PPRC1: variants seen among roughly 807,000 people sequenced by gnomAD.
PPRC1 encodes the protein peroxisome proliferator-activated receptor gamma coactivator-related protein 1.
PPRC1 carries 23 observed loss-of-function variants against 132.5 expected under a neutral mutation model. The observed-to-expected ratio is 0.17, with a 90% confidence interval of 0.12 to 0.25. The LOEUF (loss-of-function observed/expected upper bound fraction) is 0.25. Ranked by LOEUF, PPRC1 falls within the 10% of genes least tolerant of loss-of-function variation. PPRC1 has a pLI of 1.00. For missense variants in PPRC1, 2,006 were observed against 2,089.1 expected (o/e 0.96, Z 0.78); for synonymous variants, 872 against 833.5 (o/e 1.05, Z -0.80).
chr10:102,133,172 G>T lies in PPRC1; in HGVS notation c.104G>T (p.Arg35Leu), dbSNP rs866848753. ...GCCCGCGGCAGTGGTTGGGGAAGTCGAAGCCAAGCGCCGTATGGGACTTTG... is the reference window on the plus strand; with the variant it reads ...GCCCGCGGCAGTGGTTGGGGAAGTCTAAGCCAAGCGCCGTATGGGACTTTG... The part of the protein sequence containing the change: ...GGARGSGWGS[R>L]SQAPYGTLGA... Residue 35 changes from arginine (R) to leucine (L), a missense_variant, in exon 1 of 14, where the codon CGA becomes CTA. Around this residue, in one of 2 missense-constraint regions of PPRC1, gnomAD observed 1,914 missense variants for 1,917.2 expected, o/e 1.00. Coordinates refer to ENST00000278070, the MANE Select transcript of PPRC1 (RefSeq NM_015062.5). 1.6e-6 allele frequency: 2 copies of T among 1,272,258 alleles called. No individual in the cohort carries two copies. Among genetic ancestry groups the T allele is most frequent in the Non-Finnish European group, 2.0e-6 (2 of 1,002,514 alleles). The allele number at this position is 1,272,258 out of a possible 1,614,324, so 78.8% of individuals were successfully genotyped here.
chr10:102,136,847 G>C (rs185457525), intron 1 of PPRC1, among the ~76,000 whole-genome samples: 4 of 152,154 alleles, frequency 2.6e-5, no homozygotes, highest in Admixed American at 6.5e-5. Context: ...CCACACTCTT[G>C]ACAGGTCTGG....
the PPRC1 span, chr10:102,120,224 G>C: frequency 1.0e-6 from 1 of 984,824 alleles, no homozygotes; most frequent in Non-Finnish European, 1.2e-6. Context: ...GCTCGCCGCC[G>C]GCCCGGCCCG....
rs770847252 is a variant in PPRC1, at chr10:102,137,929, T to G, written c.233T>G (p.Leu78Arg). ...RLGPSLRDKD[L>R]EMEELMLQDE... Reference sequence around the variant, plus strand: ...GGCCCATCTCTGAGGGACAAGGACCTGGAAATGGAGGAGCTAATGCTGCAG... The same window carrying G: ...GGCCCATCTCTGAGGGACAAGGACCGGGAAATGGAGGAGCTAATGCTGCAG... Residue 78 changes from leucine (L) to arginine (R), a missense_variant, in exon 2 of 14, where the codon CTG becomes CGG. Transcript: ENST00000278070. 1 of 1,614,026 alleles carries G rather than the reference T, an allele frequency of 6.2e-7. No individual in the cohort carries two copies. Among genetic ancestry groups the G allele is most frequent in the African/African-American group, 1.3e-5 (1 of 74,912 alleles).
intron 8 of PPRC1, among the ~76,000 whole-genome samples, 160 bp from the exon 9 acceptor site, chr10:102,146,511 TG>T (rs2069251230): frequency 6.6e-6 from 1 of 151,986 alleles, no homozygotes; most frequent in Admixed American, 6.6e-5. Flanking sequence ...TTGGGGAACA[TG>T]GGGAAGGGGC....
chr10:102,134,875 TC>T, intron 1 of PPRC1, among the ~76,000 whole-genome samples: 1 of 152,304 alleles, frequency 6.6e-6, no homozygotes, highest in South Asian at 2.1e-4. Flanking sequence ...GGATCCAAGA[TC>T]CAGCTATAAT....
Position 102,138,876 on chromosome 10 carries a change from T to C in PPRC1, c.490-3T>C. 2 of 1,613,966 alleles carry C rather than the reference T, an allele frequency of 1.2e-6. No individual in the cohort carries two copies. The highest frequency in any genetic ancestry group is 1.7e-6 in the Non-Finnish European group (2 of 1,179,868). Reference sequence around the variant, plus strand: ...TGATCTCAGGTCTTTCTTTCCCTCTTAGCTGCACAAGCTGCTTACTCTCTC... The same window carrying C: ...TGATCTCAGGTCTTTCTTTCCCTCTCAGCTGCACAAGCTGCTTACTCTCTC... On this transcript the variant is annotated splice_polypyrimidine_tract_variant and splice_region_variant and intron_variant, in intron 3 of 13. Coordinates refer to ENST00000278070, the MANE Select transcript of PPRC1 (RefSeq NM_015062.5).
chr10:102,135,379 T>G (rs2068685915), intron 1 of PPRC1, among the ~76,000 whole-genome samples: 1 of 152,154 alleles, frequency 6.6e-6, no homozygotes, highest in Non-Finnish European at 1.5e-5. Context: ...TATATTTTGT[T>G]GTTTTGTTGT....
Position 102,147,228 on chromosome 10 carries a change from C to T in PPRC1, c.4236C>T (p.Ala1412=), listed in dbSNP as rs762078980. The part of the protein sequence containing the change: ...MRCYRKACRS[A]SPSSQGWQGR... ...GTTACCGAAAAGCCTGCAGGTCAGCCAGCCCCTCAAGCCAGGGCTGGCAGG... is the reference window on the plus strand; with the variant it reads ...GTTACCGAAAAGCCTGCAGGTCAGCTAGCCCCTCAAGCCAGGGCTGGCAGG... The change falls in exon 9 of 14, where the codon GCC becomes GCT. Residue 1412 remains alanine (A), a synonymous_variant. Transcript: ENST00000278070. The T allele has an allele frequency of 8.1e-6, 13 of 1,613,298 alleles. No homozygotes were observed. Among genetic ancestry groups the T allele is most frequent in the Non-Finnish European group, 1.1e-5 (13 of 1,180,040 alleles).
Position 102,137,974 on chromosome 10 carries a change from C to T in PPRC1, c.278C>T (p.Thr93Ile). ...CTGCAGGATGAGACACTGCTGGGGACCATGCAGAGCTACATGGATGCCTCC... is the reference window on the plus strand; with the variant it reads ...CTGCAGGATGAGACACTGCTGGGGATCATGCAGAGCTACATGGATGCCTCC... ...LMLQDETLLG[T>I]MQSYMDASLI... The change falls in exon 2 of 14, where the codon ACC (threonine) becomes ATC (isoleucine). Residue 93 changes from threonine to isoleucine, a missense_variant. Transcript: ENST00000278070. 6.2e-7 allele frequency: 1 copy of T among 1,614,042 alleles called. No homozygotes were observed. The highest frequency in any genetic ancestry group is 8.5e-7 in the Non-Finnish European group (1 of 1,180,010).
chr10:102,120,453 G>C, the PPRC1 span: 2 of 951,466 alleles, frequency 2.1e-6, no homozygotes, highest in Non-Finnish European at 2.5e-6. Flanking sequence ...CTCCGCCCTC[G>C]CGCTCGCGCT....
intron 1 of PPRC1, among the ~76,000 whole-genome samples, chr10:102,137,173 TA>T (rs1279528523): frequency 6.6e-6 from 1 of 152,144 alleles, no homozygotes; most frequent in Non-Finnish European, 1.5e-5. Context: ...ACCCTGTCTC[TA>T]CTAAAAATAC....
At position 102,141,548 on chromosome 10, in the gene PPRC1, C is replaced by G; in HGVS notation, c.3040C>G (p.Pro1014Ala). Reference sequence around the variant, plus strand: ...CTCCATTGGGAGAGCTGTTCCCCAACCTAAAATGGAGTCTAGGGGCACTCC... The same window carrying G: ...CTCCATTGGGAGAGCTGTTCCCCAAGCTAAAATGGAGTCTAGGGGCACTCC... ...PASIGRAVPQ[P>A]KMESRGTPAG... The change falls in exon 5 of 14, where the codon CCT becomes GCT. Residue 1014 changes from proline (P) to alanine (A), a missense_variant. Physicochemically the swap from Pro to Ala is conservative, Grantham distance 27 (BLOSUM62 -1). This residue lies in a region of PPRC1 where 1,914 missense variants were observed against 1,917.2 expected (regional missense o/e 1.00). Transcript: ENST00000278070. 6.2e-7 allele frequency: 1 copy of G among 1,614,094 alleles called. No homozygotes were observed. Among genetic ancestry groups the G allele is most frequent in the Non-Finnish European group, 8.5e-7 (1 of 1,180,022 alleles).
chr10:102,119,994 G>T, the PPRC1 span: 1 of 1,004,516 alleles, frequency 1.0e-6, no homozygotes, highest in Non-Finnish European at 1.4e-6. Flanking sequence ...TGCCATCGAC[G>T]CCCCCCACAC....
At position 102,139,918 on chromosome 10, in the gene PPRC1, C is replaced by G. The variant is rs2068880278; in HGVS notation, c.1410C>G (p.Ala470=). The change falls in exon 5 of 14, where the codon GCC becomes GCG. Residue 470 remains alanine (A), a synonymous_variant. Transcript: ENST00000278070. ...AGAAGAGCAAGGAGCAGCCAGCAGC[C>G]TGTGTGGAAGGCTATGCCAGGAGGC... ...RKKKSKEQPA[A]CVEGYARRLR... is the part of the protein sequence containing the mutation. The G allele has an allele frequency of 6.2e-7, 1 of 1,614,140 alleles. No homozygotes were observed.
At position 102,141,772 on chromosome 10, in the gene PPRC1, A is replaced by G; in HGVS notation, c.3264A>G (p.Glu1088=). The part of the protein sequence containing the change: ...QMKALACVSA[E]GVTVEEPASE... ...AGGCTCTAGCATGTGTGTCTGCTGA[A>G]GGTGTGACTGTTGAGGAGCCTGCAT... is the stretch of plus-strand genomic sequence containing the variant. Residue 1088 remains glutamate (E), a synonymous_variant, in exon 5 of 14, where the codon GAA becomes GAG. Transcript: ENST00000278070. 1 of 1,613,852 alleles carries G rather than the reference A, an allele frequency of 6.2e-7. No individual in the cohort carries two copies. Among genetic ancestry groups the G allele is most frequent in the Non-Finnish European group, 8.5e-7 (1 of 1,179,828 alleles).
At chr10:102,129,690 G>A (rs2068513381), upstream of PPRC1, among the ~76,000 whole-genome samples, 1 of 152,056 alleles carries the variant, frequency 6.6e-6, no homozygotes, top group Admixed American at 6.5e-5. Context: ...TGCAACCTCT[G>A]CCTCCCGGGT....
chr10:102,128,294 C>T (rs2068493263), upstream of PPRC1, among the ~76,000 whole-genome samples: 1 of 152,028 alleles, frequency 6.6e-6, no homozygotes, highest in Non-Finnish European at 1.5e-5. Flanking sequence ...CACGTGCCAC[C>T]ACGCCCAGCT....
intron 1 of PPRC1, among the ~76,000 whole-genome samples, chr10:102,136,915 T>G (rs1463140523): frequency 6.6e-6 from 1 of 152,018 alleles, no homozygotes; most frequent in Non-Finnish European, 1.5e-5. Context: ...CTTAGAGGAG[T>G]GTGGGGCGGG....
chr10:102,127,663 C>T, the PPRC1 span, among the ~76,000 whole-genome samples: 1 of 152,108 alleles, frequency 6.6e-6, no homozygotes, highest in South Asian at 2.1e-4. Flanking sequence ...GCCTCAGCCT[C>T]CCAAAGTGCT....
Sources: gnomAD v4.1 joint callset for allele counts (sites outside exome capture counted in the v4.1 genomes callset) on GRCh38, gnomAD v4.1.1 for gene constraint, gnomAD v4.1.1 regional missense constraint, MANE v1.5 for transcripts, NCBI Gene and HGNC (gene_info 2026-07-23, HGNC 2026-07-21) for gene names.